Variants in PGBD2 observed in about 807,000 individuals in gnomAD.
The protein encoded by PGBD2 is piggyBac transposable element-derived protein 2.
Under a neutral mutation model 8.1 loss-of-function variants are expected in PGBD2, and 6 were observed. The observed-to-expected ratio is 0.74, with a 90% CI of 0.40 to 1.46. The LOEUF (loss-of-function observed/expected upper bound fraction) is 1.46. Among genes scored for constraint, PGBD2 ranks in the 40% most tolerant of loss-of-function variants. PGBD2 has a pLI of 0.02. For missense variants in PGBD2, 802 were observed against 739.0 expected, an observed-to-expected ratio of 1.09 and a Z score of -0.99; for synonymous variants, 318 against 272.2, an observed-to-expected ratio of 1.17 and a Z score of -1.66.
the PGBD2 span, among the ~76,000 whole-genome samples, chr1:248,928,657 G>A: frequency 1.3e-5 from 2 of 152,194 alleles, no homozygotes; most frequent in Admixed American, 6.5e-5. Context: ...AGAGGACCTT[G>A]TGCATGAATA....
At chr1:248,915,066 TAGC>T (rs1174923397) in intron 2 of PGBD2, among the ~76,000 whole-genome samples, 3 of 152,200 alleles carry the variant, frequency 2.0e-5, no homozygotes, top group East Asian at 1.9e-4. Context: ...CTGTCCAAAA[TAGC>T]AGCCCTAGCT....
At position 248,918,464 on chromosome 1, in the gene PGBD2, T is replaced by G. The variant is rs1662200262; in HGVS notation, c.*101T>G. On this transcript the variant is annotated 3_prime_UTR_variant, in exon 3 of 3. Transcript: ENST00000329291. ...TTTGTGTTGGAAAAAAGACCTGAAT[T>G]TCTAATGACTTGATTTTCTATTTTC... The G allele has an allele frequency of 8.5e-7, 1 of 1,178,246 alleles. No homozygotes were observed. 73.0% of individuals were successfully genotyped at this position (1,178,246 alleles called of 1,614,324 possible).
chr1:248,888,248 C>G, the PGBD2 span, among the ~76,000 whole-genome samples: 3 of 152,126 alleles, frequency 2.0e-5, no homozygotes, highest in African/African-American at 7.2e-5. Flanking sequence ...TTTGGTAGAA[C>G]AATATATTTA....
upstream of PGBD2, among the ~76,000 whole-genome samples, chr1:248,905,068 C>G (rs1047610646): frequency 1.3e-5 from 2 of 152,200 alleles, no homozygotes; most frequent in African/African-American, 4.8e-5. Context: ...CCTACCTTAC[C>G]TAGAGTAGCA....
downstream of PGBD2, among the ~76,000 whole-genome samples, chr1:248,923,570 G>A (rs1419691188): frequency 6.6e-6 from 1 of 152,102 alleles, no homozygotes; most frequent in African/African-American, 2.4e-5. Context: ...CTCTCCCACT[G>A]GCTCTTAGCC....
chr1:248,886,015 G>A, the PGBD2 span, among the ~76,000 whole-genome samples: 2,989 of 152,034 alleles, frequency 0.02, 108 homozygotes, highest in African/African-American at 0.069. Flanking sequence ...GGTGTTACAA[G>A]GATACAAATC....
At chr1:248,923,651 C>A (rs200057572), downstream of PGBD2, among the ~76,000 whole-genome samples, 1 of 152,140 alleles carries the variant, frequency 6.6e-6, no homozygotes, top group South Asian at 2.1e-4. Context: ...CACATTATTG[C>A]TTGCTTACCA....
At position 248,917,298 on chromosome 1, in the gene PGBD2, A is replaced by G; in HGVS notation, c.714A>G (p.Ala238=). The change falls in exon 3 of 3, where the codon GCA becomes GCG. Residue 238 remains alanine, a synonymous_variant. Coordinates refer to ENST00000329291, the MANE Select transcript of PGBD2 (RefSeq NM_170725.3). ...LHFADNNELD[A]SDRFAKVRPL... ...TTGCAGATAACAACGAACTTGATGC[A>G]AGTGATAGGTTTGCCAAGGTCAGAC... 1 of 1,614,206 alleles carries G rather than the reference A, an allele frequency of 6.2e-7. No homozygotes were observed. The highest frequency in any genetic ancestry group is 8.5e-7 in the Non-Finnish European group (1 of 1,180,024).
chr1:248,905,388 A>G (rs1258821320), upstream of PGBD2, among the ~76,000 whole-genome samples: 4 of 152,206 alleles, frequency 2.6e-5, no homozygotes. Context: ...ACTGTCCTAT[A>G]TACCTAATGG....
intron 1 of PGBD2, among the ~76,000 whole-genome samples, chr1:248,907,488 G>A (rs1282004728): frequency 6.6e-6 from 1 of 152,196 alleles, no homozygotes; most frequent in African/African-American, 2.4e-5. Flanking sequence ...CGGGTGTCGG[G>A]CTGGGGGACG....
chr1:248,920,971 G>A (rs1380462861), downstream of PGBD2, among the ~76,000 whole-genome samples: 1 of 150,094 alleles, frequency 6.7e-6, no homozygotes, highest in Non-Finnish European at 1.5e-5. Context: ...CATATTCTTT[G>A]CCTACTTTTT....
chr1:248,892,320 C>CT, the PGBD2 span, among the ~76,000 whole-genome samples: 1 of 129,118 alleles, frequency 7.7e-6, no homozygotes, highest in Non-Finnish European at 1.6e-5. Flanking sequence ...TCTTTCCTTT[C>CT]TTCCTTTTAC....
chr1:248,891,486 G>A, the PGBD2 span, among the ~76,000 whole-genome samples: 1 of 152,190 alleles, frequency 6.6e-6, no homozygotes, highest in Non-Finnish European at 1.5e-5. Flanking sequence ...CTTAATAAGA[G>A]ATATATACTT....
the PGBD2 span, among the ~76,000 whole-genome samples, chr1:248,891,376 GA>G: frequency 1.0e-3 from 156 of 152,186 alleles, no homozygotes; most frequent in African/African-American, 3.6e-3. Flanking sequence ...ATATTTTTGA[GA>G]AAATTTGTGA....
intron 1 of PGBD2, among the ~76,000 whole-genome samples, chr1:248,907,167 A>G (rs1231003095): frequency 6.6e-6 from 1 of 152,206 alleles, no homozygotes; most frequent in Admixed American, 6.5e-5. Context: ...TCAGCAAAGA[A>G]ACATGTGAGC....
chr1:248,891,506 G>A, the PGBD2 span, among the ~76,000 whole-genome samples: 2 of 152,300 alleles, frequency 1.3e-5, no homozygotes, highest in South Asian at 4.1e-4. Context: ...TTGATGAAGA[G>A]CCACAAGAGA....
At chr1:248,911,718 C>G (rs890007397) in intron 1 of PGBD2, among the ~76,000 whole-genome samples, 1 of 150,618 alleles carries the variant, frequency 6.6e-6, no homozygotes, top group African/African-American at 2.5e-5. Flanking sequence ...CCCCTCACCT[C>G]CCGGACGGGG....
chr1:248,917,092 G>A lies in PGBD2; in HGVS notation c.508G>A (p.Val170Ile). The change falls in exon 3 of 3, where the codon GTC (valine) becomes ATC (isoleucine). Residue 170 changes from valine to isoleucine, a missense_variant. Coordinates refer to ENST00000329291, the MANE Select transcript of PGBD2 (RefSeq NM_170725.3). ...ETNRYAWQKN[V>I]NLSLTAQELK... ...CAATCGTTATGCTTGGCAGAAAAAT[G>A]TCAATTTGAGTCTTACGGCTCAGGA... 6.2e-7 allele frequency: 1 copy of A among 1,613,794 alleles called. No individual in the cohort carries two copies.
chr1:248,902,513 A>G (rs1661552281), upstream of PGBD2, among the ~76,000 whole-genome samples: 1 of 152,218 alleles, frequency 6.6e-6, no homozygotes. Flanking sequence ...CCACAGGAAT[A>G]TAAATCATTC....
Sources: allele counts gnomAD v4.1 joint callset (sites outside exome capture counted in the v4.1 genomes callset), GRCh38; gene constraint gnomAD v4.1.1; transcripts MANE v1.5; gene names NCBI Gene and HGNC (gene_info 2026-07-23, HGNC 2026-07-21).